The following CAMK1D variants were observed in gnomAD, a reference collection of about 807,000 sequenced individuals.
The protein encoded by CAMK1D is calcium/calmodulin-dependent protein kinase type 1D.
A neutral mutation model predicts 47.7 loss-of-function variants in CAMK1D; 9 were observed. That is an observed-to-expected ratio of 0.19 (90% CI 0.11 to 0.33). CAMK1D has a LOEUF of 0.33. CAMK1D is among the 10% of genes least tolerant of loss of function. The pLI, the probability that CAMK1D is intolerant of heterozygous loss-of-function variation, is 1.00. For missense variants in CAMK1D, 291 were observed against 488.7 expected (o/e 0.60, Z 3.81); for synonymous variants, 184 against 184.9 (o/e 0.99, Z 0.04).
At position 12,447,333 on chromosome 10, in the gene CAMK1D, T is replaced by C. The variant is rs556077130; in HGVS notation, c.92+97423T>C. ...CCTTAAAGGGAATAACTGGTAACTT[T>C]CTGATATATCATGATGAGAGGCCTC... On this transcript the variant is annotated intron_variant, in intron 1 of 10. Coordinates refer to ENST00000619168, the MANE Select transcript of CAMK1D (RefSeq NM_153498.4). Among the ~76,000 whole-genome samples, 15 of 152,332 alleles carry C rather than the reference T, an allele frequency of 9.8e-5. No homozygotes were observed. In the South Asian group the frequency reaches 2.7e-3, roughly 27 times the overall value.
At chr10:12,708,138 A>T (rs965041677) in intron 3 of CAMK1D, among the ~76,000 whole-genome samples, 2 of 152,192 alleles carry the variant, frequency 1.3e-5, no homozygotes, top group African/African-American at 4.8e-5. Flanking sequence ...CTGCACACAC[A>T]GTGGTTTTAG....
intron 1 of CAMK1D, among the ~76,000 whole-genome samples, chr10:12,454,996 G>A (rs1188915843): frequency 6.6e-6 from 1 of 152,180 alleles, no homozygotes; most frequent in Non-Finnish European, 1.5e-5. Flanking sequence ...GTACAGTCTG[G>A]GTGGTGGTTC....
At chr10:12,588,862 A>G (rs938761504) in intron 2 of CAMK1D, among the ~76,000 whole-genome samples, 5 of 81,542 alleles carry the variant, frequency 6.1e-5, no homozygotes, top group African/African-American at 3.2e-4. Context: ...ATGTATATGT[A>G]TATATGTGTG....
intron 2 of CAMK1D, among the ~76,000 whole-genome samples, chr10:12,665,523 T>C (rs1163473179): frequency 2.0e-5 from 3 of 152,236 alleles, no homozygotes; most frequent in East Asian, 3.9e-4. Flanking sequence ...ATAATGTAGT[T>C]CTAGCTTTCA....
intron 1 of CAMK1D, among the ~76,000 whole-genome samples, chr10:12,547,960 T>C (rs1244796317): frequency 6.6e-6 from 1 of 152,188 alleles, no homozygotes; most frequent in Non-Finnish European, 1.5e-5. Context: ...CTCGGAGCGA[T>C]GGCAGCTCAT....
chr10:12,654,163 G>A (rs1840056651), intron 2 of CAMK1D, among the ~76,000 whole-genome samples: 1 of 152,204 alleles, frequency 6.6e-6, no homozygotes, highest in Non-Finnish European at 1.5e-5. Flanking sequence ...TCAATCTGGG[G>A]CACAGAGTAT....
rs144311827 is a variant in CAMK1D at position 12,822,217 on chromosome 10, A to G, written c.834-2248A>G. ...ACTATTGCAAGTTTCCTAGCTTATC[A>G]TGAGCATGGGTCACCGTTGTCATTG... On this transcript the variant is annotated intron_variant, in intron 8 of 10. Transcript: ENST00000619168. Among the ~76,000 whole-genome samples, 445 of 152,276 alleles carry G rather than the reference A, an allele frequency of 2.9e-3. 1 individual carries two copies. Among genetic ancestry groups the G allele is most frequent in the Non-Finnish European group, 3.9e-3 (266 of 68,020 alleles).
At chr10:12,414,479 A>AT (rs2131951327) in intron 1 of CAMK1D, among the ~76,000 whole-genome samples, 1 of 152,276 alleles carries the variant, frequency 6.6e-6, no homozygotes, top group East Asian at 1.9e-4. Flanking sequence ...CTGATCTGCC[A>AT]TGTTATCTGT....
At chr10:12,572,048 C>CA (rs1554790461) in intron 2 of CAMK1D, among the ~76,000 whole-genome samples, 14 of 148,774 alleles carry the variant, frequency 9.4e-5, no homozygotes, top group African/African-American at 1.5e-4. Context: ...AACCCCCCCC[C>CA]AAAAAAAAAG....
intron 2 of CAMK1D, among the ~76,000 whole-genome samples, chr10:12,646,052 C>T (rs376745212): frequency 6.7e-6 from 1 of 150,304 alleles, no homozygotes. Flanking sequence ...AAATAAATTG[C>T]TATGGGAAGA....
At chr10:12,767,929 A>G (rs1360319809) in intron 4 of CAMK1D, among the ~76,000 whole-genome samples, 1 of 152,016 alleles carries the variant, frequency 6.6e-6, no homozygotes, top group South Asian at 2.1e-4. Flanking sequence ...CTGGAGTGCA[A>G]TGGCGCGATC....
chr10:12,434,090 T>C (rs76844103), intron 1 of CAMK1D, among the ~76,000 whole-genome samples: 8,382 of 152,278 alleles, frequency 0.055, 313 homozygotes, highest in East Asian at 0.14. Context: ...CCTGCCTCAG[T>C]CTCCTGAGTT....
intron 1 of CAMK1D, among the ~76,000 whole-genome samples, chr10:12,471,365 G>A (rs895477662): frequency 6.6e-6 from 1 of 152,178 alleles, no homozygotes; most frequent in Non-Finnish European, 1.5e-5. Flanking sequence ...TGTGTTGACC[G>A]CTGACTGTAA....
At chr10:12,774,291 G>T (rs2130944825) in intron 5 of CAMK1D, among the ~76,000 whole-genome samples, 1 of 152,220 alleles carries the variant, frequency 6.6e-6, no homozygotes, top group East Asian at 1.9e-4. Flanking sequence ...TTTAACTACA[G>T]TGTGCAGGCA....
At chr10:12,809,109 T>A (rs1832493703) in intron 6 of CAMK1D, among the ~76,000 whole-genome samples, 1 of 129,770 alleles carries the variant, frequency 7.7e-6, no homozygotes, top group Non-Finnish European at 1.6e-5. Flanking sequence ...AGAGTGAAAC[T>A]CTGTCTCAAA....
chr10:12,780,287 GTCC>G (rs1837439238), intron 5 of CAMK1D, among the ~76,000 whole-genome samples: 1 of 152,040 alleles, frequency 6.6e-6, no homozygotes. Context: ...GAATGTAAGC[GTCC>G]TCCTCTGTCT....
intron 2 of CAMK1D, among the ~76,000 whole-genome samples, chr10:12,601,630 GTTTTTGTA>G (rs1564438381): frequency 1.3e-5 from 2 of 152,180 alleles, no homozygotes; most frequent in East Asian, 3.9e-4. Flanking sequence ...CGTCTGGCTG[GTTTTTGTA>G]TTTTTAGTAG....
At chr10:12,589,520 A>G (rs1266019967) in intron 2 of CAMK1D, among the ~76,000 whole-genome samples, 1 of 152,208 alleles carries the variant, frequency 6.6e-6, no homozygotes, top group Non-Finnish European at 1.5e-5. Context: ...AGCAAATGGA[A>G]GCATTTTTGG....
intron 2 of CAMK1D, among the ~76,000 whole-genome samples, chr10:12,665,854 A>G (rs1395340832): frequency 1.3e-5 from 2 of 152,258 alleles, no homozygotes; most frequent in Non-Finnish European, 2.9e-5. Context: ...CGAGGCCCCA[A>G]GCAAACCTGC....
Sources: allele counts gnomAD v4.1 joint callset (sites outside exome capture counted in the v4.1 genomes callset), GRCh38; gene constraint gnomAD v4.1.1; transcripts MANE v1.5; gene names NCBI Gene and HGNC (gene_info 2026-07-23, HGNC 2026-07-21).